The following UNC13A variants were observed in gnomAD, a reference collection of about 807,000 sequenced individuals.
UNC13A encodes the protein protein unc-13 homolog A.
A neutral mutation model predicts 219.7 loss-of-function variants in UNC13A; 61 were observed. That is an observed-to-expected ratio of 0.28 (90% CI 0.23 to 0.34). The LOEUF is 0.34. UNC13A is among the 10% of genes least tolerant of loss of function. The pLI is 1.00. For missense variants in UNC13A, 1,476 were observed against 2,270.3 expected, an observed-to-expected ratio of 0.65 and a Z score of 7.11; for synonymous variants, 920 against 884.6, an observed-to-expected ratio of 1.04 and a Z score of -0.71.
Position 17,602,301 on chromosome 19 carries a change from A to ATGTCTCTCTCCATCTC in UNC13A, c.*3737_*3752dup, listed in dbSNP as rs1351926506. On this transcript the variant is annotated 3_prime_UTR_variant, in exon 44 of 44. Coordinates refer to ENST00000519716, the MANE Select transcript of UNC13A (RefSeq NM_001080421.3). Reference sequence around the variant, plus strand: ...TCTTTCTCTGTATATTTCCACCTCTATGTCTCTCTCCATCTCTGTCTCTCT... The same window carrying ATGTCTCTCTCCATCTC: ...TCTTTCTCTGTATATTTCCACCTCTATGTCTCTCTCCATCTCTGTCTCTCTCCATCTCTGTCTCTCT... 2 of 151,820 alleles carry ATGTCTCTCTCCATCTC rather than the reference A, an allele frequency of 1.3e-5. No individual in the cohort carries two copies. The highest frequency in any genetic ancestry group is 1.3e-4 in the Admixed American group (2 of 15,240). 9.4% of individuals were successfully genotyped at this position (151,820 alleles called of 1,614,324 possible).
chr19:17,616,603 G>T, intron 41 of UNC13A: 1 of 507,596 alleles, frequency 2.0e-6, no homozygotes, highest in Non-Finnish European at 3.5e-6. Flanking sequence ...GCGAGTGAGA[G>T]GGAGGAAAAA....
intron 26 of UNC13A, among the ~76,000 whole-genome samples, chr19:17,635,477 C>T (rs1333760414): frequency 6.6e-6 from 1 of 152,130 alleles, no homozygotes; most frequent in East Asian, 1.9e-4. Flanking sequence ...GAAAATTCTA[C>T]AGACATATAA....
chr19:17,687,617 C>T (rs900477925), intron 1 of UNC13A, among the ~76,000 whole-genome samples: 1 of 152,064 alleles, frequency 6.6e-6, no homozygotes, highest in Non-Finnish European at 1.5e-5. Flanking sequence ...CCTCTTTACA[C>T]CTAGGGCTGG....
chr19:17,609,474 A>T (rs2076578685), intron 43 of UNC13A, among the ~76,000 whole-genome samples: 1 of 151,384 alleles, frequency 6.6e-6, no homozygotes, highest in African/African-American at 2.4e-5. Flanking sequence ...GGGCTGCCCC[A>T]ACGGTCCTGA....
chr19:17,629,950 C>A (rs1014070515), intron 30 of UNC13A, among the ~76,000 whole-genome samples, 195 bp downstream of exon 30: 11 of 151,926 alleles, frequency 7.2e-5, no homozygotes, highest in African/African-American at 2.7e-4. Flanking sequence ...CAAACCTCAA[C>A]TCCAACCTCA....
intron 40 of UNC13A, 144 bp from the exon 41 acceptor site, chr19:17,617,993 T>C (rs985373044): frequency 1.8e-5 from 22 of 1,190,308 alleles, no homozygotes; most frequent in Non-Finnish European, 2.4e-5. Flanking sequence ...TGAACTCCTA[T>C]GCATTCCTCA....
chr19:17,641,487 C>T lies in UNC13A; in HGVS notation c.2542G>A (p.Asp848Asn). 5.0e-6 allele frequency: 8 copies of T among 1,614,130 alleles called. No homozygotes were observed. The highest frequency in any genetic ancestry group is 1.3e-5 in the African/African-American group (1 of 75,064). The part of the protein sequence containing the change: ...VVKIPDAKGD[D>N]AWKVYYDETA... ...TCATCGTAGTAAACCTTCCAGGCAT[C>T]GTCACCCTTGGCATCTGGGATCTTC... The change falls in exon 21 of 44, where the codon GAT (aspartate) becomes AAT (asparagine). Residue 848 changes from aspartate (D) to asparagine (N), a missense_variant. Coordinates refer to ENST00000519716, the MANE Select transcript of UNC13A (RefSeq NM_001080421.3).
intron 8 of UNC13A, among the ~76,000 whole-genome samples, chr19:17,661,121 T>G (rs1243999124): frequency 7.8e-6 from 1 of 128,570 alleles, no homozygotes; most frequent in Non-Finnish European, 1.7e-5. Context: ...TTTTTTTTTG[T>G]AGAGATGGAG....
intron 1 of UNC13A, among the ~76,000 whole-genome samples, chr19:17,680,884 C>CTTTTTTTT (rs2079997096): frequency 1.6e-4 from 11 of 69,516 alleles, no homozygotes; most frequent in South Asian, 5.0e-4. Flanking sequence ...TTTTTCTTTT[C>CTTTTTTTT]TTTTCTTTTT....
Position 17,606,342 on chromosome 19 carries a change from G to A in UNC13A, c.4824C>T (p.Ala1608=), listed in dbSNP as rs2076529243. ...GCTCATAGCACTCGGGACCCGCGTC[G>A]GCGCTCAGCGTGCTGCGTGGGGAGG... ...YNESFQFTLS[A]DAGPECYELQ... The change falls in exon 44 of 44, where the codon GCC becomes GCT. Residue 1608 remains alanine (A), a synonymous_variant. Coordinates refer to ENST00000519716, the MANE Select transcript of UNC13A (RefSeq NM_001080421.3). 4 of 1,545,342 alleles carry A rather than the reference G, an allele frequency of 2.6e-6. No homozygotes were observed. The highest frequency in any genetic ancestry group is 3.5e-6 in the Non-Finnish European group (4 of 1,147,228).
At position 17,639,506 on chromosome 19, in the gene UNC13A, C is replaced by T; in HGVS notation, c.2876G>A (p.Ser959Asn). ...TTTGAGGTCCTGGAGTCTCTCCGGG[C>T]TGCTGGCTGGGAAGTTATTCTGTTG... ...SMYRNNFPAS[S>N]PERLQDLKST... is the part of the protein sequence containing the mutation. Residue 959 changes from serine to asparagine, a missense_variant, in exon 24 of 44, where the codon AGC (serine) becomes AAC (asparagine). Physicochemically the swap from Ser to Asn is conservative, Grantham distance 46. Around this residue, in one of 14 missense-constraint regions of UNC13A, gnomAD observed 140 missense variants for 270.9 expected, o/e 0.52. Coordinates refer to ENST00000519716, the MANE Select transcript of UNC13A (RefSeq NM_001080421.3). 1 of 1,613,346 alleles carries T rather than the reference C, an allele frequency of 6.2e-7. No individual in the cohort carries two copies. The highest frequency in any genetic ancestry group is 8.5e-7 in the Non-Finnish European group (1 of 1,179,850).
At chr19:17,642,987 T>C in intron 19 of UNC13A, 27 bp from the exon 20 acceptor site, 1 of 1,572,926 alleles carries the variant, frequency 6.4e-7, no homozygotes, top group Non-Finnish European at 8.6e-7. Context: ...GAAGACAGTG[T>C]CAGAACTTCC....
intron 22 of UNC13A, 119 bp downstream of exon 22, chr19:17,640,392 G>T: frequency 7.6e-7 from 1 of 1,310,936 alleles, no homozygotes; most frequent in South Asian, 1.7e-5. Context: ...GACGGGAAGT[G>T]ACTGGTGGAA....
At chr19:17,679,993 T>TG (rs2079975968) in intron 1 of UNC13A, among the ~76,000 whole-genome samples, 4 of 152,098 alleles carry the variant, frequency 2.6e-5, no homozygotes, top group African/African-American at 9.6e-5. Context: ...AGGTCCAGGT[T>TG]GAGGACATCC....
At chr19:17,638,838 A>C (rs897641328) in intron 25 of UNC13A, among the ~76,000 whole-genome samples, 1 of 152,030 alleles carries the variant, frequency 6.6e-6, no homozygotes, top group Non-Finnish European at 1.5e-5. Flanking sequence ...TCAAAAAAAA[A>C]AAATTTTTTT....
chr19:17,666,461 T>C (rs1240341137), intron 7 of UNC13A, among the ~76,000 whole-genome samples, 189 bp downstream of exon 7: 1 of 152,106 alleles, frequency 6.6e-6, no homozygotes, highest in East Asian at 1.9e-4. Context: ...CTTCCCAAAG[T>C]GCTGGGATTA....
In UNC13A at chr19:17,669,726, G is replaced by A. The variant is rs1470988603; in HGVS notation, c.271-50C>T. ...TGGGTCAGGAATCTGCTGGTCACTA[G>A]TCCCCAGGGCCCCTACTCTCGCATG... On this transcript the variant is annotated intron_variant, in intron 4 of 43. Coordinates refer to ENST00000519716, the MANE Select transcript of UNC13A (RefSeq NM_001080421.3). 3.2e-6 allele frequency: 5 copies of A among 1,560,184 alleles called. No individual in the cohort carries two copies. The African/African-American group carries it at 4.1e-5, about 13-fold the overall frequency.
intron 25 of UNC13A, 134 bp from the exon 26 acceptor site, chr19:17,636,291 T>A: frequency 8.9e-7 from 1 of 1,118,438 alleles, no homozygotes; most frequent in Non-Finnish European, 1.2e-6. Flanking sequence ...AAGAAATCTA[T>A]ATAGAGAGGA....
At chr19:17,631,675 G>A (rs547562221) in intron 28 of UNC13A, among the ~76,000 whole-genome samples, 13 of 152,150 alleles carry the variant, frequency 8.5e-5, no homozygotes, top group South Asian at 2.1e-4. Flanking sequence ...TTCAAATCTC[G>A]GGTCTGTCAT....
Sources: allele counts gnomAD v4.1 joint callset (sites outside exome capture counted in the v4.1 genomes callset), GRCh38; gene constraint gnomAD v4.1.1; regional missense constraint gnomAD v4.1.1; transcripts MANE v1.5; gene names NCBI Gene and HGNC (gene_info 2026-07-23, HGNC 2026-07-21).